Variants in IGSF9B observed in about 807,000 individuals in gnomAD.
IGSF9B encodes the protein immunoglobulin superfamily member 9B.
IGSF9B carries 48 observed loss-of-function variants against 143.7 expected under a neutral mutation model. That is an observed-to-expected ratio of 0.33 (90% confidence interval 0.26 to 0.42). The LOEUF is 0.42. Ranked by LOEUF, IGSF9B falls within the 20% of genes least tolerant of loss-of-function variation. The pLI, the probability that IGSF9B is intolerant of heterozygous loss-of-function variation, is 1.00. For missense variants in IGSF9B, 1,706 were observed against 1,980.0 expected (o/e 0.86, Z 2.63); for synonymous variants, 903 against 833.1 (o/e 1.08, Z -1.44).
chr11:133,920,367 T>C lies in IGSF9B; in HGVS notation c.3358A>G (p.Lys1120Glu). Reference protein sequence around the residue: ...RGPVPAPPAAKWQDRPMQPLV... With the variant: ...RGPVPAPPAAEWQDRPMQPLV... The stretch of plus-strand genomic sequence containing the variant: ...GGTTGCATAGGTCTGTCCTGCCACT[T>C]GGCGGCGGGGGGCGCTGGGACAGGG... The change falls in exon 18 of 20, where the codon AAG becomes GAG. Residue 1120 changes from lysine (K) to glutamate (E), a missense_variant. This residue lies in a region of IGSF9B where 880 missense variants were observed against 762.9 expected (regional missense o/e 1.15). Coordinates refer to ENST00000533871, the MANE Select transcript of IGSF9B (RefSeq NM_001277285.4). The C allele has an allele frequency of 6.2e-7, 1 of 1,604,952 alleles. No individual in the cohort carries two copies. Among genetic ancestry groups the C allele is most frequent in the African/African-American group, 1.3e-5 (1 of 74,616 alleles).
In IGSF9B at chr11:133,947,567, C is replaced by T. The variant is rs1161166094; in HGVS notation, c.65-1309G>A. 2.0e-5 allele frequency among the ~76,000 whole-genome samples: 3 copies of T among 152,242 alleles called. No individual in the cohort carries two copies. The East Asian group carries it at 5.8e-4, about 29-fold the overall frequency. ...GGCAGCACCAGCCCCTGCCATTCCC[C>T]ATTCCGGTGCCTCGGTCTGACTCTC... On this transcript the variant is annotated intron_variant, in intron 1 of 19. Coordinates refer to ENST00000533871, the MANE Select transcript of IGSF9B (RefSeq NM_001277285.4).
At chr11:133,927,299 G>T (rs1372370673) in intron 12 of IGSF9B, among the ~76,000 whole-genome samples, 1 of 152,276 alleles carries the variant, frequency 6.6e-6, no homozygotes, top group Admixed American at 6.5e-5. Context: ...ACCAACCACA[G>T]CTGGCATCTT....
intron 6 of IGSF9B, 118 bp from the exon 7 acceptor site, chr11:133,935,880 A>T (rs982493889): frequency 8.4e-6 from 12 of 1,427,734 alleles, no homozygotes; most frequent in Non-Finnish European, 1.1e-5. Flanking sequence ...TGGCATCCCC[A>T]GGGCCCCTCC....
rs1357616071 is a variant in IGSF9B at position 133,902,495 on chromosome 11, CCA to C, written c.*6572_*6573del. Among the ~76,000 whole-genome samples, 5 of 144,836 alleles carry C rather than the reference CCA, an allele frequency of 3.5e-5. No individual in the cohort carries two copies. The highest frequency in any genetic ancestry group is 7.6e-5 in the Non-Finnish European group (5 of 65,518). On this transcript the variant is annotated 3_prime_UTR_variant, in exon 20 of 20. Coordinates refer to ENST00000533871, the MANE Select transcript of IGSF9B (RefSeq NM_001277285.4). ...ACACCACACACAACACACACACACA[CCA>C]GACATGCACACCACACACAGACATG...
chr11:133,948,162 T>C lies in IGSF9B; in HGVS notation c.65-1904A>G, dbSNP rs548620393. Among the ~76,000 whole-genome samples, 1 of 152,046 alleles carries C rather than the reference T, an allele frequency of 6.6e-6. No individual in the cohort carries two copies. The highest frequency in any genetic ancestry group is 2.1e-4 in the South Asian group (1 of 4,798). The stretch of plus-strand genomic sequence containing the variant: ...CTTCTCTGTATGCAAGGGCTCCGTC[T>C]CTGCATGTATGTACTTCTGTGTCTG... On this transcript the variant is annotated intron_variant, in intron 1 of 19. Coordinates refer to ENST00000533871, the MANE Select transcript of IGSF9B (RefSeq NM_001277285.4). This position sits in a 1 kb window ranked among gnomAD's most constrained non-coding sequence, Gnocchi z 4.7.
rs377482045 is a variant in IGSF9B, at chr11:133,921,062, T to A, written c.2663A>T (p.Glu888Val). 1 of 1,613,760 alleles carries A rather than the reference T, an allele frequency of 6.2e-7. No individual in the cohort carries two copies. Among genetic ancestry groups the A allele is most frequent in the African/African-American group, 1.3e-5 (1 of 74,934 alleles). ...GTTCTCCTCGTCCGACTGGCGGAAC[T>A]CGGGGTACATGTCCGTCTCCTCGGC... is the stretch of plus-strand genomic sequence containing the variant. ...PFAEETDMYP[E>V]FRQSDEENED... The change falls in exon 18 of 20, where the codon GAG becomes GTG. Residue 888 changes from glutamate (E) to valine (V), a missense_variant. Coordinates refer to ENST00000533871, the MANE Select transcript of IGSF9B (RefSeq NM_001277285.4).
At chr11:133,939,194 C>G (rs1372073230) in intron 3 of IGSF9B, among the ~76,000 whole-genome samples, 6 of 152,228 alleles carry the variant, frequency 3.9e-5, no homozygotes. Flanking sequence ...GCATGTGTGG[C>G]TCTACCTGCT....
intron 7 of IGSF9B, among the ~76,000 whole-genome samples, chr11:133,935,088 C>A (rs781241373): frequency 2.0e-5 from 3 of 152,220 alleles, no homozygotes; most frequent in Non-Finnish European, 4.4e-5. Context: ...GCAGCTCATT[C>A]ATCTGGATCT....
Position 133,902,185 on chromosome 11 carries a change from AAC to A in IGSF9B, c.*6882_*6883del, listed in dbSNP as rs1184576422. ...ACACACACCAAACACACACACACCA[AAC>A]ACACCAGACACACCACAAGCATACA... On this transcript the variant is annotated 3_prime_UTR_variant, in exon 20 of 20. Transcript: ENST00000533871. Among the ~76,000 whole-genome samples the A allele has an allele frequency of 1.4e-5, 2 of 142,260 alleles. No individual in the cohort carries two copies. Among genetic ancestry groups the A allele is most frequent in the Non-Finnish European group, 3.0e-5 (2 of 65,674 alleles). 93.3% of individuals were successfully genotyped at this position (142,260 alleles called of 152,430 possible).
rs778842435 is a variant in IGSF9B at position 133,909,205 on chromosome 11, C to T, written c.4178G>A (p.Arg1393Gln). 1.4e-5 allele frequency: 21 copies of T among 1,535,732 alleles called. No individual in the cohort carries two copies. The highest frequency in any genetic ancestry group is 8.3e-5 in the South Asian group (7 of 84,056). Reference sequence around the variant, plus strand: ...AGGACGAGAATGTCTCTTCTTCTTTCGGAGGCAGACAGCTTCATCGGGCCA... The same window carrying T: ...AGGACGAGAATGTCTCTTCTTCTTTTGGAGGCAGACAGCTTCATCGGGCCA... ...VLWPDEAVCLRKKKRHSRPDP... is the reference protein window; with the variant it reads ...VLWPDEAVCLQKKKRHSRPDP... The change falls in exon 20 of 20, where the codon CGA (arginine) becomes CAA (glutamine). Residue 1393 changes from arginine (R) to glutamine (Q), a missense_variant. Arg to Gln is a conservative substitution (Grantham distance 43, BLOSUM62 1). Around this residue, in one of 7 missense-constraint regions of IGSF9B, gnomAD observed 880 missense variants for 762.9 expected, o/e 1.15. Transcript: ENST00000533871. The surrounding 1 kb of genome is among the most constrained non-coding windows in gnomAD (Gnocchi z 4.2).
chr11:133,955,882 C>CAAGG (rs2121357323), intron 1 of IGSF9B, among the ~76,000 whole-genome samples: 1 of 152,128 alleles, frequency 6.6e-6, no homozygotes, highest in South Asian at 2.1e-4. Context: ...GCGTGGGGAC[C>CAAGG]CCCCCTTCCC....
Position 133,906,021 on chromosome 11 carries a change from GACATCTGAGACACAGAAGCAGGTTT to G in IGSF9B, c.*3023_*3047del, listed in dbSNP as rs1309985049. 2.6e-5 allele frequency among the ~76,000 whole-genome samples: 4 copies of G among 152,370 alleles called. No homozygotes were observed. The highest frequency in any genetic ancestry group is 9.6e-5 in the African/African-American group (4 of 41,588). Reference sequence around the variant, plus strand: ...AGCCATGATGCTGAAGAGGCAGACAGACATCTGAGACACAGAAGCAGGTTTACATCTGAGTCGTGTCTACTGCAAG... The same window carrying G: ...AGCCATGATGCTGAAGAGGCAGACAGACATCTGAGTCGTGTCTACTGCAAG... On this transcript the variant is annotated 3_prime_UTR_variant, in exon 20 of 20. Transcript: ENST00000533871.
At chr11:133,917,972 C>G (rs565981541) in intron 18 of IGSF9B, among the ~76,000 whole-genome samples, 3 of 148,230 alleles carry the variant, frequency 2.0e-5, no homozygotes, top group African/African-American at 7.5e-5. Flanking sequence ...CCTGGGTGTA[C>G]TGGCAGCAGG....
At position 133,945,197 on chromosome 11, in the gene IGSF9B, C is replaced by A. The variant is rs1326710432; in HGVS notation, c.263-831G>T. Among the ~76,000 whole-genome samples, 1 of 152,216 alleles carries A rather than the reference C, an allele frequency of 6.6e-6. No individual in the cohort carries two copies. The highest frequency in any genetic ancestry group is 1.5e-5 in the Non-Finnish European group (1 of 68,030). ...CACCTCACCCGCTCTTAGCTCACCC[C>A]TCACCGCAGCCAATATCACCACACC... On this transcript the variant is annotated intron_variant, in intron 2 of 19. Coordinates refer to ENST00000533871, the MANE Select transcript of IGSF9B (RefSeq NM_001277285.4). The surrounding 1 kb of genome is among the most constrained non-coding windows in gnomAD (Gnocchi z 4.6).
chr11:133,910,574 G>A lies in IGSF9B; in HGVS notation c.4106-1297C>T, dbSNP rs148398002. ...ACCGAGGAAGAGCTGAGGAGAAGCA[G>A]ACCTGGAGAGGCTGATCAATAACTC... On this transcript the variant is annotated intron_variant, in intron 19 of 19. Transcript: ENST00000533871. Among the ~76,000 whole-genome samples the A allele has an allele frequency of 9.1e-4, 138 of 152,304 alleles. 1 individual carries two copies. The East Asian group carries it at 0.022, about 24-fold the overall frequency.
intron 19 of IGSF9B, among the ~76,000 whole-genome samples, chr11:133,910,054 C>T (rs1390831461): frequency 6.6e-6 from 1 of 152,014 alleles, no homozygotes; most frequent in African/African-American, 2.4e-5. Context: ...GTGGTGTGTC[C>T]CCGATACAGA....
At position 133,901,213 on chromosome 11, in the gene IGSF9B, T is replaced by G. The variant is rs1333517737; in HGVS notation, c.*7856A>C. 1.3e-5 allele frequency: 2 copies of G among 152,212 alleles called. No individual in the cohort carries two copies. Among genetic ancestry groups the G allele is most frequent in the Non-Finnish European group, 2.9e-5 (2 of 68,038 alleles). The allele number at this position is 152,212 out of a possible 1,614,324, so 9.4% of individuals were successfully genotyped here. On this transcript the variant is annotated 3_prime_UTR_variant, in exon 20 of 20. Coordinates refer to ENST00000533871, the MANE Select transcript of IGSF9B (RefSeq NM_001277285.4). ...ATTTGTTTTGTTATTTTACAAACTT[T>G]TCATATATACACATTTCCATCAGAA...
intron 7 of IGSF9B, among the ~76,000 whole-genome samples, chr11:133,933,242 C>T (rs911621095): frequency 6.6e-6 from 1 of 152,174 alleles, no homozygotes; most frequent in Non-Finnish European, 1.5e-5. Context: ...TCCTAGACCC[C>T]TAGCGTCAAA....
chr11:133,932,295 ACAGG>A, intron 7 of IGSF9B, 82 bp from the exon 8 acceptor site: 1 of 1,383,076 alleles, frequency 7.2e-7, no homozygotes, highest in Non-Finnish European at 9.6e-7. Context: ...ACAGACAGAC[ACAGG>A]GACAGACAGA....
Sources: allele counts gnomAD v4.1 joint callset (sites outside exome capture counted in the v4.1 genomes callset), GRCh38; gene constraint gnomAD v4.1.1; regional missense constraint gnomAD v4.1.1; non-coding constraint Gnocchi (gnomAD v3.1); transcripts MANE v1.5; gene names NCBI Gene and HGNC (gene_info 2026-07-23, HGNC 2026-07-21).